TMCO6: variants seen among roughly 807,000 people sequenced by gnomAD.
TMCO6 encodes the protein transmembrane and coiled-coil domain-containing protein 6.
A neutral mutation model predicts 61.8 loss-of-function variants in TMCO6; 47 were observed. The ratio of observed to expected loss-of-function variants is 0.76; its 90% confidence interval spans 0.60 to 0.97. The LOEUF (loss-of-function observed/expected upper bound fraction) is 0.97, where lower values mean the gene tolerates loss of function less well. Among genes scored for constraint, TMCO6 ranks in the 50% least tolerant of loss-of-function variants. The probability of loss-of-function intolerance (pLI) is 0.00; values close to 1 mark genes in which losing one functional copy is unlikely to be tolerated. For synonymous variants in TMCO6, 261 were observed against 254.2 expected (o/e 1.03, Z -0.25); for missense variants, 557 against 601.6 (o/e 0.93, Z 0.78).
At chr5:140,599,688 G>A in the TMCO6 span, among the ~76,000 whole-genome samples, 2 of 152,302 alleles carry the variant, frequency 1.3e-5, no homozygotes, top group African/African-American at 2.4e-5. Context: ...ATCACCTGAG[G>A]TCAGGAGTTT....
chr5:140,628,714 A>G, the TMCO6 span, among the ~76,000 whole-genome samples: 3 of 152,206 alleles, frequency 2.0e-5, no homozygotes, highest in African/African-American at 4.8e-5. Context: ...TGCTGAGATT[A>G]CAGGCATGAG....
At chr5:140,647,637 C>T (rs1372364487), downstream of TMCO6, 1 of 1,584,764 alleles carries the variant, frequency 6.3e-7, no homozygotes, top group African/African-American at 1.3e-5. Flanking sequence ...GTGCTCCGGT[C>T]TGACCAACCG....
downstream of TMCO6, chr5:140,647,428 G>A (rs771180779): frequency 6.2e-7 from 1 of 1,609,488 alleles, no homozygotes; most frequent in Non-Finnish European, 8.5e-7. Context: ...CAGGGAGGTC[G>A]AGGTCGTGAC....
the TMCO6 span, among the ~76,000 whole-genome samples, chr5:140,629,371 C>A: frequency 7.2e-4 from 110 of 152,148 alleles, 3 homozygotes; most frequent in Admixed American, 7.1e-3. Flanking sequence ...ATACATCTCC[C>A]ACATGCTTTA....
At chr5:140,614,523 A>G in the TMCO6 span, among the ~76,000 whole-genome samples, 1 of 152,084 alleles carries the variant, frequency 6.6e-6, no homozygotes, top group Non-Finnish European at 1.5e-5. Flanking sequence ...AAACAACAAC[A>G]ACAACAACAA....
At chr5:140,616,395 C>CA in the TMCO6 span, among the ~76,000 whole-genome samples, 2 of 151,410 alleles carry the variant, frequency 1.3e-5, no homozygotes, top group Admixed American at 6.6e-5. Flanking sequence ...CATATCTCTA[C>CA]AAAAAAAATT....
chr5:140,644,174 T>A lies in TMCO6; in HGVS notation c.1180T>A (p.Ser394Thr). Residue 394 changes from serine (S) to threonine (T), a missense_variant, in exon 10 of 12, where the codon TCT becomes ACT. Ser to Thr is a moderately conservative substitution (Grantham distance 58). Transcript: ENST00000394671. ...IEPLLQLLPV[S>T]NVVSVMVLTV... is the part of the protein sequence containing the mutation. Reference sequence around the variant, plus strand: ...GCCTCTCTTACAGCTGTTGCCAGTATCTAACGTGGTGAGCGTAATGGTATG... The same window carrying A: ...GCCTCTCTTACAGCTGTTGCCAGTAACTAACGTGGTGAGCGTAATGGTATG... The A allele has an allele frequency of 6.2e-7, 1 of 1,614,194 alleles. No individual in the cohort carries two copies. The highest frequency in any genetic ancestry group is 8.5e-7 in the Non-Finnish European group (1 of 1,180,030).
the TMCO6 span, among the ~76,000 whole-genome samples, chr5:140,615,034 A>C: frequency 6.6e-6 from 1 of 152,240 alleles, no homozygotes; most frequent in African/African-American, 2.4e-5. Flanking sequence ...AAATGACATG[A>C]TCTTATATGT....
At chr5:140,633,103 G>C in the TMCO6 span, 2 of 1,613,778 alleles carry the variant, frequency 1.2e-6, no homozygotes. Context: ...TCTGAGCTCC[G>C]GACAGGCTCT....
At chr5:140,619,891 A>G in the TMCO6 span, among the ~76,000 whole-genome samples, 4 of 152,360 alleles carry the variant, frequency 2.6e-5, no homozygotes, top group East Asian at 3.9e-4. Context: ...ACTGACAACA[A>G]CAAATGCTGG....
Position 140,645,247 on chromosome 5 carries a change from T to C in TMCO6, c.*149T>C, listed in dbSNP as rs1046151516. 13 of 795,708 alleles carry C rather than the reference T, an allele frequency of 1.6e-5. No homozygotes were observed. Among genetic ancestry groups the C allele is most frequent in the Non-Finnish European group, 2.7e-5 (13 of 489,298 alleles). 49.3% of individuals were successfully genotyped at this position (795,708 alleles called of 1,614,324 possible). A position where few individuals can be genotyped will look rare whatever the true frequency, so the allele number is the denominator to read the frequency against. Reference sequence around the variant, plus strand: ...GACCTTTGGGTCCCAGCTCCTCCCCTTCCACTCAGCACTATCCAGGCAGGA... The same window carrying C: ...GACCTTTGGGTCCCAGCTCCTCCCCCTCCACTCAGCACTATCCAGGCAGGA... On this transcript the variant is annotated 3_prime_UTR_variant, in exon 12 of 12. Transcript: ENST00000394671.
the TMCO6 span, among the ~76,000 whole-genome samples, chr5:140,599,867 C>T: frequency 6.6e-6 from 1 of 152,128 alleles, no homozygotes; most frequent in African/African-American, 2.4e-5. Flanking sequence ...AAGATCGCAA[C>T]ACTGCACTCC....
chr5:140,604,560 A>C, the TMCO6 span, among the ~76,000 whole-genome samples: 1 of 151,808 alleles, frequency 6.6e-6, no homozygotes, highest in African/African-American at 2.4e-5. Flanking sequence ...TTGATGCACC[A>C]AAGTTTTTAA....
chr5:140,642,821 G>C (rs1226015372), intron 6 of TMCO6, 104 bp from the exon 7 acceptor site: 2 of 1,600,204 alleles, frequency 1.2e-6, no homozygotes, highest in Non-Finnish European at 1.7e-6. Flanking sequence ...TTTCCCATCT[G>C]GGCAGGGCTT....
At chr5:140,639,901 A>G in intron 2 of TMCO6, 50 bp downstream of exon 2, 1 of 1,514,246 alleles carries the variant, frequency 6.6e-7, no homozygotes, top group East Asian at 2.4e-5. Flanking sequence ...CTGGCGCCAG[A>G]CTCCCGGGAG....
chr5:140,609,025 C>A, the TMCO6 span: 1 of 152,240 alleles, frequency 6.6e-6, no homozygotes, highest in African/African-American at 2.4e-5. Flanking sequence ...TTGTCAATTT[C>A]TATAAAGAAA....
downstream of TMCO6, chr5:140,645,464 C>T (rs962842892): frequency 3.8e-6 from 5 of 1,302,076 alleles, no homozygotes; most frequent in African/African-American, 4.4e-5. Flanking sequence ...ACAAGAACAC[C>T]CTGAGAAAGT....
At chr5:140,630,096 C>T in the TMCO6 span, among the ~76,000 whole-genome samples, 1 of 151,456 alleles carries the variant, frequency 6.6e-6, no homozygotes, top group Non-Finnish European at 1.5e-5. Context: ...TTCTAGTGAG[C>T]AATTCTCCTG....
upstream of TMCO6, among the ~76,000 whole-genome samples, chr5:140,634,465 A>T (rs1423097129): frequency 6.6e-6 from 1 of 151,936 alleles, no homozygotes; most frequent in Non-Finnish European, 1.5e-5. Flanking sequence ...CCTCTGGGGA[A>T]AGAACTATAT....
Sources: allele counts gnomAD v4.1 joint callset (sites outside exome capture counted in the v4.1 genomes callset), GRCh38; gene constraint gnomAD v4.1.1; transcripts MANE v1.5; gene names NCBI Gene and HGNC (gene_info 2026-07-23, HGNC 2026-07-21).